NAV1: variants seen among roughly 807,000 people sequenced by gnomAD.
NAV1 encodes neuron navigator 1.
Under a neutral mutation model 175.2 loss-of-function variants are expected in NAV1, and 18 were observed. The ratio of observed to expected loss-of-function variants is 0.10; its 90% CI spans 0.07 to 0.15. The LOEUF (loss-of-function observed/expected upper bound fraction) is 0.15, where lower values mean the gene tolerates loss of function less well. NAV1 is among the 10% of genes least tolerant of loss of function. The probability of loss-of-function intolerance (pLI) is 1.00; values close to 1 mark genes in which losing one functional copy is unlikely to be tolerated. For synonymous variants in NAV1, 897 were observed against 978.7 expected, an observed-to-expected ratio of 0.92 and a Z score of 1.56; for missense variants, 1,731 against 2,436.6, an observed-to-expected ratio of 0.71 and a Z score of 6.10.
intron 1 of NAV1, among the ~76,000 whole-genome samples, chr1:201,676,353 G>A (rs1199909903): frequency 6.6e-6 from 1 of 152,214 alleles, no homozygotes; most frequent in Non-Finnish European, 1.5e-5. Context: ...TCAGGGCTCA[G>A]GGACTCTTTC....
chr1:201,818,549 T>G (rs1015080067), intron 29 of NAV1, among the ~76,000 whole-genome samples: 1 of 146,872 alleles, frequency 6.8e-6, no homozygotes, highest in Non-Finnish European at 1.5e-5. Flanking sequence ...AAAAAAGATA[T>G]GAGTAGACAT....
exon 11 of NAV1, chr1:201,789,747 C>T: frequency 1.2e-6 from 2 of 1,614,136 alleles, no homozygotes; most frequent in Non-Finnish European, 1.7e-6. Context: ...CAGTTCACGG[C>T]TCAGTGCTGT....
At chr1:201,654,691 C>T (rs1325345596) in intron 1 of NAV1, among the ~76,000 whole-genome samples, 3 of 152,042 alleles carry the variant, frequency 2.0e-5, no homozygotes, top group East Asian at 1.9e-4. Flanking sequence ...CTCTGCAGAG[C>T]GCTCCATCTC....
At chr1:201,603,581 G>A (rs992807194) in intron 2 of NAV1, among the ~76,000 whole-genome samples, 7 of 152,170 alleles carry the variant, frequency 4.6e-5, no homozygotes, top group Admixed American at 2.0e-4. Flanking sequence ...ACATGGTCAC[G>A]TAGAATTGGG....
chr1:201,740,232 G>T lies in NAV1; in HGVS notation c.1226+21477G>T, dbSNP rs915373694. Among the ~76,000 whole-genome samples, 3 of 152,224 alleles carry T rather than the reference G, an allele frequency of 2.0e-5. No individual in the cohort carries two copies. Among genetic ancestry groups the T allele is most frequent in the African/African-American group, 7.2e-5 (3 of 41,460 alleles). On this transcript the variant is annotated intron_variant, in intron 3 of 29. Coordinates refer to ENST00000367296, the Ensembl canonical transcript of NAV1. This position sits in a 1 kb window ranked among gnomAD's most constrained non-coding sequence, Gnocchi z 4.7. ...CCGCAAGAAGGAGGGTCTTGGCCGC[G>T]CTCGCTTTTCCGCCAGAGAGGAGTG...
chr1:201,697,230 C>T (rs905564890), intron 1 of NAV1, among the ~76,000 whole-genome samples: 2 of 152,106 alleles, frequency 1.3e-5, no homozygotes, highest in African/African-American at 2.4e-5. Context: ...GCAGATGGGC[C>T]GAGTCACAGG....
At chr1:201,611,899 T>A (rs1667856549) in intron 2 of NAV1, among the ~76,000 whole-genome samples, 1 of 152,068 alleles carries the variant, frequency 6.6e-6, no homozygotes, top group Non-Finnish European at 1.5e-5. Flanking sequence ...GAGATGTGTG[T>A]GTTTGTGTGT....
At position 201,677,484 on chromosome 1, in the gene NAV1, G is replaced by A. The variant is rs559466879; in HGVS notation, c.757+28059G>A. Among the ~76,000 whole-genome samples, 15 of 152,086 alleles carry A rather than the reference G, an allele frequency of 9.9e-5. No individual in the cohort carries two copies. The South Asian group carries it at 1.9e-3, about 19-fold the overall frequency. On this transcript the variant is annotated intron_variant, in intron 1 of 29. Transcript: ENST00000367296. ...CCCTTCCTCCTGTTTACCCCACCCC[G>A]TCCCCCTCAGGGTGTGGGAATGCAT...
chr1:201,730,939 G>A (rs1672830980), intron 3 of NAV1, among the ~76,000 whole-genome samples: 1 of 152,204 alleles, frequency 6.6e-6, no homozygotes, highest in African/African-American at 2.4e-5. Flanking sequence ...AGTGTTCAGG[G>A]TTGGGGGTCC....
rs554625656 is a variant in NAV1 at position 201,676,581 on chromosome 1, C to CAGTGGTCCAGGCTGGGGTTCCCGGT, written c.757+27159_757+27183dup. On this transcript the variant is annotated intron_variant, in intron 1 of 29. Coordinates refer to ENST00000367296, the Ensembl canonical transcript of NAV1. ...TGACTCGCAGGAAATAGTTTCACCC[C>CAGTGGTCCAGGCTGGGGTTCCCGGT]AGTGGTCCAGGCTGGGGTTCCCGGT... 5.1e-3 allele frequency among the ~76,000 whole-genome samples: 782 copies of CAGTGGTCCAGGCTGGGGTTCCCGGT among 152,156 alleles called. 11 individuals carry two copies. The highest frequency in any genetic ancestry group is 0.017 in the African/African-American group (719 of 41,468).
intron 4 of NAV1, 133 bp from the exon 9 acceptor site, chr1:201,780,879 G>T (rs1571486014): frequency 2.8e-6 from 3 of 1,078,754 alleles, no homozygotes; most frequent in Middle Eastern, 3.0e-4. Flanking sequence ...TAGGGGTATA[G>T]GTAGAAACCC....
chr1:201,633,949 G>A (rs537076057), intron 2 of NAV1, among the ~76,000 whole-genome samples: 1 of 152,314 alleles, frequency 6.6e-6, no homozygotes, highest in East Asian at 1.9e-4. Flanking sequence ...CAGGAACTGG[G>A]ACGGGAGGTC....
Position 201,630,909 on chromosome 1 carries a change from A to T in NAV1, c.4+1402A>T, listed in dbSNP as rs547200392. ...CTAATGATCTCCATGCACCTAACCC[A>T]GCGCTCGTTCACGATTATTATCCGA... On this transcript the variant is annotated intron_variant, in intron 2 of 29. Coordinates refer to the NAV1 transcript ENST00000367302. Among the ~76,000 whole-genome samples the T allele has an allele frequency of 4.6e-5, 7 of 152,330 alleles. No homozygotes were observed. The South Asian group carries it at 1.5e-3, about 32-fold the overall frequency.
In NAV1 at chr1:201,807,158, C is replaced by T. The variant is rs904640341; in HGVS notation, c.3649-795C>T. On this transcript the variant is annotated intron_variant, in intron 17 of 29. Transcript: ENST00000367296. The surrounding 1 kb of genome is among the most constrained non-coding windows in gnomAD (Gnocchi z 5.4). ...AGCTCACATCCCTAACACCCAAGCT[C>T]ATCAACACCAAGATCAAACAAGCTA... Among the ~76,000 whole-genome samples the T allele has an allele frequency of 6.6e-6, 1 of 152,090 alleles. No individual in the cohort carries two copies. The highest frequency in any genetic ancestry group is 2.4e-5 in the African/African-American group (1 of 41,394).
chr1:201,671,176 G>T (rs1349414271), intron 1 of NAV1, among the ~76,000 whole-genome samples: 3 of 152,178 alleles, frequency 2.0e-5, no homozygotes, highest in Admixed American at 6.5e-5. Flanking sequence ...ATACTGTGGA[G>T]TTCTAGAAGA....
Position 201,788,530 on chromosome 1 carries a change from G to A in NAV1, c.3058G>A (p.Ala1020Thr). The stretch of plus-strand genomic sequence containing the variant: ...CTCCAACAGCATCCCCACCCACGAG[G>A]CGGCCTTCGAGCTGTACAGCGGCTC... The change falls in exon 10 of 30, where the codon GCG becomes ACG. Residue 1020 changes from alanine to threonine, a missense_variant. Around this residue, in one of 13 missense-constraint regions of NAV1, gnomAD observed 634 missense variants for 766.8 expected, o/e 0.83. Transcript: ENST00000367296. This position sits in a 1 kb window ranked among gnomAD's most constrained non-coding sequence, Gnocchi z 5.7. 6.2e-7 allele frequency: 1 copy of A among 1,614,114 alleles called. No individual in the cohort carries two copies. Among genetic ancestry groups the A allele is most frequent in the Non-Finnish European group, 8.5e-7 (1 of 1,180,020 alleles).
intron 1 of NAV1, among the ~76,000 whole-genome samples, chr1:201,680,950 C>A (rs1204599781): frequency 6.6e-6 from 1 of 152,152 alleles, no homozygotes; most frequent in African/African-American, 2.4e-5. Flanking sequence ...CTGGTTCAAT[C>A]GCAAGTCTTG....
chr1:201,632,639 T>C (rs1296286795), intron 2 of NAV1, among the ~76,000 whole-genome samples: 2 of 152,270 alleles, frequency 1.3e-5, no homozygotes, highest in East Asian at 1.9e-4. Context: ...CTTTGTGGCA[T>C]GTTTGAATGA....
chr1:201,558,297 A>G (rs1395985309), intron 1 of NAV1, among the ~76,000 whole-genome samples: 1 of 152,204 alleles, frequency 6.6e-6, no homozygotes, highest in Non-Finnish European at 1.5e-5. Context: ...TGCGGGCCAT[A>G]TGGCCATTTT....
Sources: allele counts gnomAD v4.1 joint callset (sites outside exome capture counted in the v4.1 genomes callset), GRCh38; gene constraint gnomAD v4.1.1; regional missense constraint gnomAD v4.1.1; non-coding constraint Gnocchi (gnomAD v3.1); transcripts MANE v1.5; gene names NCBI Gene and HGNC (gene_info 2026-07-23, HGNC 2026-07-21).